WDR59: variants seen among roughly 807,000 people sequenced by gnomAD.
WDR59 encodes GATOR2 complex protein WDR59.
In WDR59, 100 loss-of-function variants were observed where a neutral mutation model predicts 131.2. That is an observed-to-expected ratio of 0.76 (90% CI 0.65 to 0.90). WDR59 has a LOEUF of 0.90. Ranked by LOEUF, WDR59 falls within the 40% of genes least tolerant of loss-of-function variation. The pLI, the probability that WDR59 is intolerant of heterozygous loss-of-function variation, is 0.00. For synonymous variants in WDR59, 601 were observed against 466.2 expected, an observed-to-expected ratio of 1.29 and a Z score of -3.72; for missense variants, 1,203 against 1,262.2, an observed-to-expected ratio of 0.95 and a Z score of 0.71.
chr16:74,875,994 T>C (rs1964194515), intron 25 of WDR59, among the ~76,000 whole-genome samples: 1 of 152,118 alleles, frequency 6.6e-6, no homozygotes, highest in Non-Finnish European at 1.5e-5. Context: ...TCATGCCTTT[T>C]CTCCCGGCTC....
chr16:74,978,437 G>C (rs959534717), intron 1 of WDR59, among the ~76,000 whole-genome samples: 5 of 151,988 alleles, frequency 3.3e-5, no homozygotes, highest in Non-Finnish European at 5.9e-5. Flanking sequence ...GCTGCACTCA[G>C]CAAGGACTGT....
intron 2 of WDR59, among the ~76,000 whole-genome samples, chr16:74,963,816 G>C (rs968275534): frequency 6.6e-6 from 1 of 152,092 alleles, no homozygotes; most frequent in African/African-American, 2.4e-5. Context: ...TGGATTGCTT[G>C]AGTCTGGGAT....
intron 2 of WDR59, among the ~76,000 whole-genome samples, chr16:74,960,753 T>TAAAAAA (rs59914217): frequency 1.7e-5 from 2 of 118,726 alleles, no homozygotes; most frequent in African/African-American, 3.1e-5. Context: ...GTCTCAAAAA[T>TAAAAAA]AAAAAAAAAA....
chr16:74,892,384 G>GAC, intron 20 of WDR59, 100 bp downstream of exon 20: 1 of 1,020,462 alleles, frequency 9.8e-7, no homozygotes. Context: ...TCCAAATTAA[G>GAC]ACACACACTT....
Position 74,878,451 on chromosome 16 carries a change from C to T in WDR59, c.2690-4007G>A, listed in dbSNP as rs1964323403. 2.6e-5 allele frequency among the ~76,000 whole-genome samples: 4 copies of T among 152,106 alleles called. 1 individual carries two copies. The highest frequency in any genetic ancestry group is 1.3e-4 in the Admixed American group (2 of 15,266). Reference sequence around the variant, plus strand: ...GGTGGATCACCTGAGGCCAGGCGTTCGAGACCAGCCTGGCCAACATGGCAA... The same window carrying T: ...GGTGGATCACCTGAGGCCAGGCGTTTGAGACCAGCCTGGCCAACATGGCAA... On this transcript the variant is annotated intron_variant, in intron 25 of 25. Coordinates refer to ENST00000262144, the MANE Select transcript of WDR59 (RefSeq NM_030581.4).
intron 1 of WDR59, among the ~76,000 whole-genome samples, chr16:74,975,178 T>C (rs1417942742): frequency 1.3e-5 from 2 of 152,086 alleles, no homozygotes; most frequent in African/African-American, 4.8e-5. Flanking sequence ...CTGGCCAACA[T>C]GGCGATACCT....
intron 1 of WDR59, among the ~76,000 whole-genome samples, chr16:74,967,872 AAAAGAT>A (rs1482474679): frequency 2.6e-5 from 4 of 151,992 alleles, no homozygotes; most frequent in African/African-American, 9.7e-5. Flanking sequence ...AAAAAAAAAA[AAAAGAT>A]AGAAGACCTC....
At position 74,970,495 on chromosome 16, in the gene WDR59, C is replaced by CAAAAAAAAAAAA. The variant is rs746574195; in HGVS notation, c.55-4685_55-4674dup. On this transcript the variant is annotated intron_variant, in intron 1 of 25. Coordinates refer to ENST00000262144, the MANE Select transcript of WDR59 (RefSeq NM_030581.4). ...GGGTGACAGAGAGAGACTCTGTCTC[C>CAAAAAAAAAAAA]AAAAAAAAAAAAAAAAAAAAAAAAA... Among the ~76,000 whole-genome samples the CAAAAAAAAAAAA allele has an allele frequency of 6.3e-3, 210 of 33,328 alleles. 51 individuals carry two copies. The highest frequency in any genetic ancestry group is 0.01 in the Non-Finnish European group (158 of 15,622). 21.9% of individuals were successfully genotyped at this position (33,328 alleles called of 152,430 possible).
At chr16:74,908,803 G>T in intron 17 of WDR59, 105 bp downstream of exon 17, 2 of 789,292 alleles carry the variant, frequency 2.5e-6, no homozygotes, top group Non-Finnish European at 4.1e-6. Context: ...GTTTACTGAA[G>T]AACTGAAATG....
chr16:74,896,431 C>G (rs377753314), intron 18 of WDR59, among the ~76,000 whole-genome samples: 12 of 152,268 alleles, frequency 7.9e-5, no homozygotes, highest in African/African-American at 2.6e-4. Flanking sequence ...GAGTTCGAGA[C>G]CAGCCCGGCC....
At chr16:74,908,619 A>G (rs1054979994) in intron 17 of WDR59, 1 of 301,992 alleles carries the variant, frequency 3.3e-6, no homozygotes, top group African/African-American at 2.2e-5. Context: ...CAAATAATAA[A>G]TAATATGCTA....
At chr16:74,895,779 G>T (rs377160192) in intron 18 of WDR59, among the ~76,000 whole-genome samples, 1 of 152,164 alleles carries the variant, frequency 6.6e-6, no homozygotes, top group East Asian at 1.9e-4. Context: ...GGGAGGATAC[G>T]TTAAAGAGCA....
At chr16:74,978,688 C>CA (rs1312399709) in intron 1 of WDR59, among the ~76,000 whole-genome samples, 1 of 151,962 alleles carries the variant, frequency 6.6e-6, no homozygotes, top group Non-Finnish European at 1.5e-5. Context: ...GCAGTGGTTA[C>CA]ATGACTACAT....
intron 25 of WDR59, among the ~76,000 whole-genome samples, chr16:74,880,218 C>T (rs1158535846): frequency 6.6e-6 from 1 of 152,048 alleles, no homozygotes; most frequent in African/African-American, 2.4e-5. Flanking sequence ...GAGGCCGAGG[C>T]AGGAGGACCA....
chr16:74,918,480 G>T (rs1198141986), intron 10 of WDR59, among the ~76,000 whole-genome samples: 1 of 152,092 alleles, frequency 6.6e-6, no homozygotes, highest in Non-Finnish European at 1.5e-5. Flanking sequence ...TGCAAAACGG[G>T]TTATTTCAAA....
At chr16:74,884,995 A>T (rs1567686037) in intron 25 of WDR59, among the ~76,000 whole-genome samples, 1 of 152,170 alleles carries the variant, frequency 6.6e-6, no homozygotes, top group Non-Finnish European at 1.5e-5. Flanking sequence ...ACAATTTGAA[A>T]TTACTTAATT....
intron 17 of WDR59, among the ~76,000 whole-genome samples, chr16:74,906,097 G>T (rs1167485956): frequency 6.6e-6 from 1 of 151,722 alleles, no homozygotes; most frequent in African/African-American, 2.4e-5. Context: ...GGCAGATCAC[G>T]AGGTCAGCAG....
rs542321127 is a variant in WDR59, at chr16:74,879,706, G to GA, written c.2690-5263dup. 8.0e-5 allele frequency among the ~76,000 whole-genome samples: 12 copies of GA among 150,274 alleles called. No individual in the cohort carries two copies. The South Asian group carries it at 8.5e-4, about 11-fold the overall frequency. ...TATCTTGTTCTAATTACCTTCAGGA[G>GA]AAAAAAAAACCAAAAAAGATCTTAA... On this transcript the variant is annotated intron_variant, in intron 25 of 25. Transcript: ENST00000262144.
intron 8 of WDR59, among the ~76,000 whole-genome samples, chr16:74,930,520 A>G (rs2031281753): frequency 6.6e-6 from 1 of 152,124 alleles, no homozygotes; most frequent in African/African-American, 2.4e-5. Flanking sequence ...CACAAAAATC[A>G]AATAAAGAAA....
Sources: gnomAD v4.1 joint callset for allele counts (sites outside exome capture counted in the v4.1 genomes callset) on GRCh38, gnomAD v4.1.1 for gene constraint, MANE v1.5 for transcripts, NCBI Gene and HGNC (gene_info 2026-07-23, HGNC 2026-07-21) for gene names.